The following MRAP variants were observed in gnomAD, a reference collection of about 807,000 sequenced individuals.
MRAP encodes melanocortin-2 receptor accessory protein.
Under a neutral mutation model 8.7 loss-of-function variants are expected in MRAP, and 8 were observed. The observed-to-expected ratio is 0.92, with a 90% confidence interval of 0.54 to 1.66. The LOEUF is 1.66. MRAP is among the 40% of genes most tolerant of loss of function. The pLI, the probability that MRAP is intolerant of heterozygous loss-of-function variation, is 0.00. For missense variants in MRAP, 237 were observed against 217.1 expected (o/e 1.09, Z -0.58); for synonymous variants, 95 against 95.5 (o/e 1.00, Z 0.03).
chr21:32,306,923 C>A (rs764497464), intron 2 of MRAP, 184 bp downstream of exon 2: 3 of 660,920 alleles, frequency 4.5e-6, no homozygotes, highest in Non-Finnish European at 8.3e-6. Flanking sequence ...AATATTCCAG[C>A]GAGCATTTCC....
chr21:32,300,609 T>C (rs1267542240), intron 1 of MRAP, among the ~76,000 whole-genome samples: 9 of 147,594 alleles, frequency 6.1e-5, no homozygotes, highest in African/African-American at 2.1e-4. Flanking sequence ...ATGTCGGATA[T>C]GTCACGCGTC....
intron 1 of MRAP, among the ~76,000 whole-genome samples, chr21:32,304,180 T>A (rs987546150): frequency 1.3e-5 from 2 of 152,194 alleles, no homozygotes; most frequent in African/African-American, 4.8e-5. Flanking sequence ...CCCTACAGAA[T>A]AAAACTTCCA....
intron 2 of MRAP, among the ~76,000 whole-genome samples, chr21:32,308,998 G>A (rs1307803081): frequency 1.3e-5 from 2 of 152,192 alleles, no homozygotes; most frequent in African/African-American, 2.4e-5. Flanking sequence ...GTGAAGAGCC[G>A]TGGACTCGCG....
intron 2 of MRAP, among the ~76,000 whole-genome samples, chr21:32,310,429 G>A (rs2032531690): frequency 6.6e-6 from 1 of 152,144 alleles, no homozygotes; most frequent in South Asian, 2.1e-4. Flanking sequence ...TCATCACTTG[G>A]TACTCTTCAT....
chr21:32,314,659 C>A, downstream of MRAP: 1 of 1,613,304 alleles, frequency 6.2e-7, no homozygotes, highest in Non-Finnish European at 8.5e-7. Flanking sequence ...CCTGACGAGG[C>A]ACTGGATGGG....
chr21:32,311,730 A>C lies in MRAP; in HGVS notation c.253A>C (p.Asn85His). 1.2e-6 allele frequency: 2 copies of C among 1,614,074 alleles called. No homozygotes were observed. The highest frequency in any genetic ancestry group is 8.5e-7 in the Non-Finnish European group (1 of 1,179,998). The part of the protein sequence containing the change: ...HQTCPWSHGL[N>H]LHLCIQKCLP... The stretch of plus-strand genomic sequence containing the variant: ...AACATGCCCCTGGAGTCACGGCCTC[A>C]ACCTCCACCTCTGCATCCAGAAGTG... Residue 85 changes from asparagine to histidine, a missense_variant, in exon 3 of 3, where the codon AAC (asparagine) becomes CAC (histidine). Coordinates refer to ENST00000303645, the MANE Select transcript of MRAP (RefSeq NM_001379228.1).
intron 2 of MRAP, 98 bp from the exon 3 acceptor site, chr21:32,311,586 G>A (rs944156607): frequency 2.7e-5 from 41 of 1,523,360 alleles, no homozygotes; most frequent in Middle Eastern, 1.8e-4. Context: ...TATGGGGTCC[G>A]GGCAGATGGC....
intron 1 of MRAP, among the ~76,000 whole-genome samples, chr21:32,304,972 T>G (rs2032377791): frequency 1.5e-5 from 1 of 64,692 alleles, no homozygotes; most frequent in African/African-American, 4.0e-5. Flanking sequence ...GTTGTTTTTT[T>G]TTTTTTTTTT....
intron 1 of MRAP, chr21:32,291,904 C>CT (rs1207330413): frequency 6.6e-6 from 1 of 151,436 alleles, no homozygotes; most frequent in Non-Finnish European, 1.5e-5. Flanking sequence ...TAAAACCGCT[C>CT]TTTAAAAAAA....
chr21:32,305,401 T>C (rs1044839576), intron 1 of MRAP, among the ~76,000 whole-genome samples: 2 of 152,220 alleles, frequency 1.3e-5, no homozygotes, highest in Non-Finnish European at 2.9e-5. Flanking sequence ...AATACCAATC[T>C]TCACCCCAGA....
chr21:32,311,919 C>A lies in MRAP; in HGVS notation c.442C>A (p.Leu148Ile). Residue 148 changes from leucine to isoleucine, a missense_variant, in exon 3 of 3, where the codon CTC becomes ATC. Leu to Ile is a conservative substitution (Grantham distance 5). Transcript: ENST00000303645. ...CCCCACTCTCCTCTGGGAACTGACC[C>A]TCAATGGGGGTCCCCTCGTCAGGAG... ...THPTLLWELT[L>I]NGGPLVRSKP... The A allele has an allele frequency of 6.2e-7, 1 of 1,613,832 alleles. No homozygotes were observed. Among genetic ancestry groups the A allele is most frequent in the East Asian group, 2.2e-5 (1 of 44,882 alleles).
rs117984375 is a variant in MRAP, at chr21:32,300,386, G to A, written c.106+1309G>A. On this transcript the variant is annotated intron_variant, in intron 1 of 2. Coordinates refer to ENST00000303645, the MANE Select transcript of MRAP (RefSeq NM_001379228.1). ...ATGTCACACATCCTATGTCAGGGGCGTCACGCATCCTATGTCGGATGCATC... is the reference window on the plus strand; with the variant it reads ...ATGTCACACATCCTATGTCAGGGGCATCACGCATCCTATGTCGGATGCATC... 7.5e-3 allele frequency among the ~76,000 whole-genome samples: 1,140 copies of A among 151,162 alleles called. 9 individuals are homozygous for A. The highest frequency in any genetic ancestry group is 0.034 in the Middle Eastern group (10 of 294).
intron 1 of MRAP, among the ~76,000 whole-genome samples, chr21:32,304,203 G>A (rs1385724328): frequency 6.6e-6 from 1 of 152,154 alleles, no homozygotes; most frequent in Non-Finnish European, 1.5e-5. Context: ...CCCATTTTCT[G>A]ACAGCATATG....
At chr21:32,301,039 A>G (rs1417333133) in intron 1 of MRAP, among the ~76,000 whole-genome samples, 1 of 151,402 alleles carries the variant, frequency 6.6e-6, no homozygotes, top group Non-Finnish European at 1.5e-5. Flanking sequence ...TATATCAAAT[A>G]TATCATATGA....
intron 2 of MRAP, among the ~76,000 whole-genome samples, chr21:32,308,044 T>C (rs1438916580): frequency 6.6e-6 from 1 of 152,152 alleles, no homozygotes; most frequent in Non-Finnish European, 1.5e-5. Context: ...ACCATGGGCA[T>C]TAAGTCTTGC....
chr21:32,313,769 G>A (rs1038584291), downstream of MRAP: 4 of 152,232 alleles, frequency 2.6e-5, no homozygotes, highest in African/African-American at 9.7e-5. Flanking sequence ...AGGCATGCAG[G>A]AGAGTTTTAA....
chr21:32,312,443 T>C, downstream of MRAP: 5 of 554,862 alleles, frequency 9.0e-6, no homozygotes, highest in Non-Finnish European at 1.3e-5. Flanking sequence ...CCCCCAGATG[T>C]GATGGCATCT....
intron 2 of MRAP, chr21:32,311,409 C>T: frequency 3.9e-6 from 1 of 255,930 alleles, no homozygotes; most frequent in Non-Finnish European, 7.5e-6. Flanking sequence ...CTCCCCTCCA[C>T]CCCCCACCCC....
intron 1 of MRAP, among the ~76,000 whole-genome samples, chr21:32,303,166 T>A (rs1397647693): frequency 6.6e-6 from 1 of 152,018 alleles, no homozygotes; most frequent in Non-Finnish European, 1.5e-5. Flanking sequence ...GTATTTTTAG[T>A]AGAGACGGGG....
Sources: gnomAD v4.1 joint callset for allele counts (sites outside exome capture counted in the v4.1 genomes callset) on GRCh38, gnomAD v4.1.1 for gene constraint, MANE v1.5 for transcripts, NCBI Gene and HGNC (gene_info 2026-07-23, HGNC 2026-07-21) for gene names.